Variants in FMN1 observed in about 807,000 individuals in gnomAD.
The protein encoded by FMN1 is formin 1.
In FMN1, 110 loss-of-function variants were observed where a neutral mutation model predicts 132.4. The ratio of observed to expected loss-of-function variants is 0.83; its 90% CI spans 0.71 to 0.97. The LOEUF (loss-of-function observed/expected upper bound fraction) is 0.97, where lower values mean the gene tolerates loss of function less well. Ranked by LOEUF, FMN1 falls within the 50% of genes least tolerant of loss-of-function variation. The probability of loss-of-function intolerance (pLI) is 0.00; values close to 1 mark genes in which losing one functional copy is unlikely to be tolerated. For synonymous variants in FMN1, 722 were observed against 651.7 expected, an observed-to-expected ratio of 1.11 and a Z score of -1.64; for missense variants, 1,792 against 1,705.3, an observed-to-expected ratio of 1.05 and a Z score of -0.90.
At chr15:33,108,171 C>T (rs2039557345) in intron 4 of FMN1, among the ~76,000 whole-genome samples, 1 of 152,018 alleles carries the variant, frequency 6.6e-6, no homozygotes, top group Admixed American at 6.6e-5. Context: ...TTTGACTAAG[C>T]CCTCTCTGTT....
chr15:32,929,383 T>C (rs1294132551), intron 9 of FMN1, among the ~76,000 whole-genome samples: 2 of 152,246 alleles, frequency 1.3e-5, no homozygotes, highest in Admixed American at 1.3e-4. Flanking sequence ...TCTTCGTCTT[T>C]TTTTTCTCCC....
chr15:33,067,881 C>T, intron 5 of FMN1: 1 of 1,607,212 alleles, frequency 6.2e-7, no homozygotes, highest in African/African-American at 1.3e-5. Context: ...TCAACGTTCT[C>T]CATGTCTCAG....
Position 33,154,205 on chromosome 15 carries a change from G to A in FMN1, c.710C>T (p.Pro237Leu), listed in dbSNP as rs1964573534. 1.3e-6 allele frequency: 2 copies of A among 1,536,158 alleles called. No homozygotes were observed. The highest frequency in any genetic ancestry group is 1.2e-5 in the South Asian group (1 of 84,048). ...ACSLQRRESCPPDIPKTPDTD... is the reference protein window; with the variant it reads ...ACSLQRRESCLPDIPKTPDTD... ...GTCTGGCGTCTTGGGAATATCTGGG[G>A]GGCAGCTCTCTCTCCTCTGCAGGGA... Residue 237 changes from proline (P) to leucine (L), a missense_variant, in exon 4 of 21, where the codon CCC becomes CTC. Pro to Leu is a moderately conservative substitution (Grantham distance 98). Coordinates refer to ENST00000616417, the MANE Select transcript of FMN1 (RefSeq NM_001277313.2).
At chr15:32,902,125 A>C in intron 12 of FMN1, 85 bp from the exon 13 acceptor site, 2 of 1,175,302 alleles carry the variant, frequency 1.7e-6, no homozygotes, top group East Asian at 2.4e-5. Flanking sequence ...CACTTTGGGA[A>C]CATTCCTTAC....
intron 19 of FMN1, among the ~76,000 whole-genome samples, chr15:32,785,214 A>ATTTTTTT (rs1567163022): frequency 1.4e-4 from 3 of 22,130 alleles, no homozygotes; most frequent in African/African-American, 4.5e-4. Flanking sequence ...ATATATATAT[A>ATTTTTTT]TATATTTTTT....
At chr15:32,967,542 G>A (rs1017477212) in intron 8 of FMN1, among the ~76,000 whole-genome samples, 3 of 152,198 alleles carry the variant, frequency 2.0e-5, no homozygotes, top group Admixed American at 6.5e-5. Context: ...TAGTACTTTA[G>A]TTAATGGCAG....
chr15:32,798,147 T>C (rs1205137155), intron 19 of FMN1, among the ~76,000 whole-genome samples: 3 of 150,090 alleles, frequency 2.0e-5, no homozygotes, highest in Non-Finnish European at 4.4e-5. Flanking sequence ...TTCTGATAAA[T>C]AGGGGCAAAT....
At chr15:32,791,337 C>T (rs750674161) in intron 19 of FMN1, among the ~76,000 whole-genome samples, 7 of 148,306 alleles carry the variant, frequency 4.7e-5, no homozygotes, top group Admixed American at 1.4e-4. Flanking sequence ...CATTTACTCT[C>T]TCATGCTTAG....
intron 12 of FMN1, among the ~76,000 whole-genome samples, chr15:32,905,842 G>T (rs144006736): frequency 3.9e-5 from 6 of 152,082 alleles, no homozygotes; most frequent in Non-Finnish European, 8.8e-5. Flanking sequence ...ACAAATGCTG[G>T]TTTGTGCAGG....
At chr15:32,969,846 T>C (rs2140665811) in intron 7 of FMN1, among the ~76,000 whole-genome samples, 1 of 152,304 alleles carries the variant, frequency 6.6e-6, no homozygotes, top group African/African-American at 2.4e-5. Context: ...ACTTTTCGGG[T>C]TGGTTTCAAA....
In FMN1 at chr15:33,067,559, C is replaced by T. The variant is rs529971512; in HGVS notation, c.2044-2485G>A. The T allele has an allele frequency of 1.3e-5, 21 of 1,613,994 alleles. No homozygotes were observed. In the Admixed American group the frequency reaches 1.3e-4, roughly 10 times the overall value. On this transcript the variant is annotated intron_variant, in intron 5 of 20. Coordinates refer to ENST00000616417, the MANE Select transcript of FMN1 (RefSeq NM_001277313.2). ...AAGGAGAGATGTCCCTGCTTCTTTT[C>T]TCTGACTTCCCTCTGATTCTGTCTC... is the stretch of plus-strand genomic sequence containing the variant.
chr15:33,181,405 G>C (rs1477880364), intron 2 of FMN1, among the ~76,000 whole-genome samples: 4 of 152,140 alleles, frequency 2.6e-5, no homozygotes, highest in African/African-American at 9.7e-5. Flanking sequence ...GGGAGCTGCA[G>C]CCACTGCTGT....
At chr15:32,953,408 A>G (rs2061694634) in intron 9 of FMN1, among the ~76,000 whole-genome samples, 1 of 152,192 alleles carries the variant, frequency 6.6e-6, no homozygotes, top group Non-Finnish European at 1.5e-5. Context: ...TCAGGCTGGG[A>G]TACAGAAGGC....
intron 17 of FMN1, among the ~76,000 whole-genome samples, chr15:32,827,271 A>AT (rs1290825439): frequency 6.6e-6 from 1 of 152,190 alleles, no homozygotes; most frequent in Non-Finnish European, 1.5e-5. Flanking sequence ...CAACAAAATG[A>AT]TTGTCTTTGG....
intron 10 of FMN1, among the ~76,000 whole-genome samples, chr15:32,919,122 T>C (rs978956050): frequency 6.6e-6 from 1 of 151,990 alleles, no homozygotes; most frequent in Non-Finnish European, 1.5e-5. Flanking sequence ...AGACGTGGCA[T>C]GCTCACTTGT....
chr15:33,086,208 G>A (rs1334272210), intron 5 of FMN1, among the ~76,000 whole-genome samples: 2 of 150,172 alleles, frequency 1.3e-5, no homozygotes, highest in Non-Finnish European at 2.9e-5. Flanking sequence ...CCAAGATTAT[G>A]CCACTGCGCT....
intron 6 of FMN1, chr15:33,013,016 AC>A: frequency 2.4e-6 from 1 of 416,274 alleles, no homozygotes; most frequent in Non-Finnish European, 4.6e-6. Flanking sequence ...AAACCACAAA[AC>A]CAAGGAGGCT....
intron 17 of FMN1, among the ~76,000 whole-genome samples, chr15:32,822,101 C>A (rs1386409644): frequency 3.3e-5 from 5 of 152,142 alleles, no homozygotes; most frequent in Non-Finnish European, 7.3e-5. Flanking sequence ...GTAATCCCAG[C>A]ACTTTGGGAG....
At chr15:33,067,609 T>G in intron 5 of FMN1, 1 of 1,613,996 alleles carries the variant, frequency 6.2e-7, no homozygotes, top group South Asian at 1.1e-5. Flanking sequence ...TCTCATCATT[T>G]CCGAGGTCAG....
Sources: gnomAD v4.1 joint callset for allele counts (sites outside exome capture counted in the v4.1 genomes callset) on GRCh38, gnomAD v4.1.1 for gene constraint, MANE v1.5 for transcripts, NCBI Gene and HGNC (gene_info 2026-07-23, HGNC 2026-07-21) for gene names.